Variants in ELAC1 observed in about 807,000 individuals in gnomAD.
ELAC1 encodes elaC ribonuclease Z 1, also known as zinc phosphodiesterase ELAC protein 1.
A neutral mutation model predicts 25.8 loss-of-function variants in ELAC1; 19 were observed. The ratio of observed to expected loss-of-function variants is 0.74; its 90% CI spans 0.51 to 1.08. The LOEUF is 1.08. Ranked by LOEUF, ELAC1 falls within the 50% of genes least tolerant of loss-of-function variation. The pLI is 0.00. For missense variants in ELAC1, 403 were observed against 434.6 expected (o/e 0.93, Z 0.65); for synonymous variants, 148 against 160.9 (o/e 0.92, Z 0.61).
At chr18:50,979,166 T>C (rs1007096756) in intron 2 of ELAC1, among the ~76,000 whole-genome samples, 30 of 152,356 alleles carry the variant, frequency 2.0e-4, no homozygotes, top group African/African-American at 7.2e-4. Context: ...TTAATACTTG[T>C]GTTAGTTATC....
chr18:50,976,834 G>C (rs1907806981), intron 2 of ELAC1, among the ~76,000 whole-genome samples: 1 of 152,198 alleles, frequency 6.6e-6, no homozygotes, highest in African/African-American at 2.4e-5. Context: ...AAGCAAGTTA[G>C]TTACTTCTTA....
intron 1 of ELAC1, among the ~76,000 whole-genome samples, chr18:50,972,767 G>A (rs1907700494): frequency 6.6e-6 from 1 of 152,190 alleles, no homozygotes; most frequent in Non-Finnish European, 1.5e-5. Flanking sequence ...ACAGGCATGA[G>A]CCACCGTGCC....
Position 50,970,736 on chromosome 18 carries a change from T to A in ELAC1, c.-9+2622T>A, listed in dbSNP as rs567939680. Among the ~76,000 whole-genome samples, 76 of 151,068 alleles carry A rather than the reference T, an allele frequency of 5.0e-4. No individual in the cohort carries two copies. In the South Asian group the frequency reaches 8.0e-3, roughly 16 times the overall value. On this transcript the variant is annotated intron_variant, in intron 1 of 3. Transcript: ENST00000269466. ...CATCAGCATTAAGTAAATATAAATT[T>A]AAAAAAAATAAAATGCCACTCATTG...
Position 50,986,905 on chromosome 18 carries a change from C to T in ELAC1, c.912C>T (p.Cys304=). The T allele has an allele frequency of 1.2e-6, 2 of 1,613,680 alleles. No individual in the cohort carries two copies. Among genetic ancestry groups the T allele is most frequent in the Non-Finnish European group, 1.7e-6 (2 of 1,179,730 alleles). Residue 304 remains cysteine, a synonymous_variant, in exon 4 of 4, where the codon TGC becomes TGT. Coordinates refer to ENST00000269466, the MANE Select transcript of ELAC1 (RefSeq NM_018696.3). ...TGGCAGCAACATTTGCAAAGTTGTG[C>T]CGTGCAAAGAGGCTGGTTCTGACTC... ...PQMAATFAKL[C]RAKRLVLTHF...
chr18:50,983,023 T>C (rs945722037), intron 2 of ELAC1, among the ~76,000 whole-genome samples: 8 of 152,148 alleles, frequency 5.3e-5, no homozygotes, highest in African/African-American at 1.9e-4. Flanking sequence ...TTTGTTTTCC[T>C]GGAATATATG....
intron 1 of ELAC1, among the ~76,000 whole-genome samples, chr18:50,970,063 C>T (rs1337236197): frequency 6.6e-6 from 1 of 152,112 alleles, no homozygotes; most frequent in East Asian, 1.9e-4. Context: ...TGGGATGGAG[C>T]CCAATTATTG....
intron 1 of ELAC1, chr18:50,969,316 T>G (rs1343886380): frequency 6.6e-6 from 1 of 152,242 alleles, no homozygotes; most frequent in East Asian, 1.9e-4. Flanking sequence ...ACAACCAGGA[T>G]TTTGCTTTTT....
chr18:50,983,168 T>TG (rs1908003638), intron 2 of ELAC1, among the ~76,000 whole-genome samples: 1 of 140,278 alleles, frequency 7.1e-6, no homozygotes, highest in African/African-American at 2.7e-5. Flanking sequence ...TTTTTTTTTT[T>TG]TTTTTTTTTT....
intron 1 of ELAC1, chr18:50,969,180 CCAAA>C (rs779467501): frequency 2.6e-5 from 4 of 152,228 alleles, no homozygotes; most frequent in Non-Finnish European, 4.4e-5. Context: ...AAATCAGTAT[CCAAA>C]CAATCTACAC....
chr18:50,977,999 C>G (rs1599146645), intron 2 of ELAC1, among the ~76,000 whole-genome samples: 2 of 152,276 alleles, frequency 1.3e-5, no homozygotes, highest in East Asian at 1.9e-4. Flanking sequence ...AGCAAGAATC[C>G]CTTTGCTTCA....
rs1423715307 is a variant in ELAC1 at position 50,971,910 on chromosome 18, G to GTA, written c.-8-2486_-8-2485insAT. Among the ~76,000 whole-genome samples the GTA allele has an allele frequency of 9.7e-3, 622 of 64,110 alleles. 5 individuals are homozygous for GTA. The highest frequency in any genetic ancestry group is 0.044 in the East Asian group (75 of 1,704). The allele number at this position is 64,110 out of a possible 152,430, so 42.1% of individuals were successfully genotyped here. A position where few individuals can be genotyped will look rare whatever the true frequency, so the allele number is the denominator to read the frequency against. On this transcript the variant is annotated intron_variant, in intron 1 of 3. Transcript: ENST00000269466. Reference sequence around the variant, plus strand: ...TATATGTATATATGTGTGTGTGTGTGTGTATATATATATATATATATATAT... The same window carrying GTA: ...TATATGTATATATGTGTGTGTGTGTGTATGTATATATATATATATATATATAT...
chr18:50,970,124 G>C (rs903207981), intron 1 of ELAC1, among the ~76,000 whole-genome samples: 1 of 152,082 alleles, frequency 6.6e-6, no homozygotes, highest in African/African-American at 2.4e-5. Flanking sequence ...ACCATGCCTG[G>C]CTAATTTTTT....
chr18:50,983,778 C>T (rs1398243372), intron 2 of ELAC1, among the ~76,000 whole-genome samples: 1 of 150,102 alleles, frequency 6.7e-6, no homozygotes, highest in African/African-American at 2.4e-5. Flanking sequence ...CACTTGAGTC[C>T]AGGAGGTCAA....
rs761728062 is a variant in ELAC1 at position 50,984,289 on chromosome 18, T to C, written c.351T>C (p.His117=). The C allele has an allele frequency of 1.3e-5, 21 of 1,614,052 alleles. No homozygotes were observed. Among genetic ancestry groups the C allele is most frequent in the Non-Finnish European group, 1.7e-6 (2 of 1,180,024 alleles). The change falls in exon 3 of 4, where the codon CAT becomes CAC. Residue 117 remains histidine (H), a synonymous_variant. Coordinates refer to ENST00000269466, the MANE Select transcript of ELAC1 (RefSeq NM_018696.3). ...MELSHTELVF[H]YVVHELVPTA... The stretch of plus-strand genomic sequence containing the variant: ...TCTCTCACACGGAGCTGGTCTTCCA[T>C]TATGTGGTTCATGAACTGGTTCCTA...
intron 2 of ELAC1, among the ~76,000 whole-genome samples, chr18:50,979,704 C>G (rs1258967880): frequency 6.6e-6 from 1 of 152,052 alleles, no homozygotes; most frequent in Non-Finnish European, 1.5e-5. Flanking sequence ...GTATATTTTA[C>G]AGTTCCTTTA....
Position 50,984,333 on chromosome 18 carries a change from CAGA to C in ELAC1, c.400_402del (p.Glu134del), listed in dbSNP as rs761888924. On this transcript the variant is annotated inframe_deletion, in exon 3 of 4. Coordinates refer to ENST00000269466, the MANE Select transcript of ELAC1 (RefSeq NM_018696.3). ...GTTCCTACAGCAGATCAATGTCCTG[CAGA>C]AGAACTAAAAGAATTTGCGCATGTG... 2.0e-5 allele frequency: 33 copies of C among 1,614,044 alleles called. No homozygotes were observed. The South Asian group carries it at 3.5e-4, about 17-fold the overall frequency.
chr18:50,976,776 C>T (rs978041453), intron 2 of ELAC1, among the ~76,000 whole-genome samples: 1 of 152,222 alleles, frequency 6.6e-6, no homozygotes, highest in African/African-American at 2.4e-5. Flanking sequence ...TCCAAAGTCT[C>T]ATCTGAAACA....
intron 1 of ELAC1, among the ~76,000 whole-genome samples, chr18:50,973,389 G>A (rs1907713609): frequency 4.6e-5 from 7 of 152,178 alleles, no homozygotes; most frequent in Admixed American, 4.6e-4. Flanking sequence ...TAGAAATAGT[G>A]AAAGGAATAG....
chr18:50,980,763 G>GAAA (rs761954317), intron 2 of ELAC1, among the ~76,000 whole-genome samples: 1 of 67,816 alleles, frequency 1.5e-5, no homozygotes, highest in African/African-American at 4.5e-5. Flanking sequence ...ACTCCATCTC[G>GAAA]AAAAAAAAAA....
Sources: gnomAD v4.1 joint callset for allele counts (sites outside exome capture counted in the v4.1 genomes callset) on GRCh38, gnomAD v4.1.1 for gene constraint, MANE v1.5 for transcripts, NCBI Gene and HGNC (gene_info 2026-07-23, HGNC 2026-07-21) for gene names.